GRIN2A: variants seen among roughly 807,000 people sequenced by gnomAD.
GRIN2A encodes glutamate receptor ionotropic, NMDA 2A.
In GRIN2A, 22 loss-of-function variants were observed where a neutral mutation model predicts 113.4. The ratio of observed to expected loss-of-function variants is 0.19; its 90% confidence interval spans 0.14 to 0.28. The LOEUF (loss-of-function observed/expected upper bound fraction) is 0.28. Ranked by LOEUF, GRIN2A falls within the 10% of genes least tolerant of loss-of-function variation. The probability of loss-of-function intolerance (pLI) is 1.00; values close to 1 mark genes in which losing one functional copy is unlikely to be tolerated. For synonymous variants in GRIN2A, 827 were observed against 738.4 expected (o/e 1.12, Z -1.94); for missense variants, 1,502 against 1,887.0 (o/e 0.80, Z 3.78).
At chr16:10,144,784 G>C (rs2049399943) in intron 2 of GRIN2A, among the ~76,000 whole-genome samples, 1 of 151,996 alleles carries the variant, frequency 6.6e-6, no homozygotes, top group Admixed American at 6.6e-5. Flanking sequence ...AGCCAGGTGT[G>C]GTGGCACACC....
intron 2 of GRIN2A, among the ~76,000 whole-genome samples, chr16:10,076,919 T>G (rs1274179857): frequency 2.6e-5 from 4 of 152,204 alleles, no homozygotes; most frequent in Non-Finnish European, 4.4e-5. Context: ...CAAAGGGGAC[T>G]TGGCAAATGT....
chr16:9,982,465 G>C (rs1455636329), intron 2 of GRIN2A, among the ~76,000 whole-genome samples: 1 of 152,200 alleles, frequency 6.6e-6, no homozygotes, highest in African/African-American at 2.4e-5. Context: ...ACGCCAAAAA[G>C]AGAAATCTTC....
chr16:10,000,090 C>T (rs1016063312), intron 2 of GRIN2A, among the ~76,000 whole-genome samples: 2 of 152,132 alleles, frequency 1.3e-5, no homozygotes, highest in Non-Finnish European at 2.9e-5. Context: ...TGACTCTCTC[C>T]CTCCTGCCTC....
chr16:9,965,414 T>C (rs1386641257), intron 2 of GRIN2A, among the ~76,000 whole-genome samples: 4 of 152,182 alleles, frequency 2.6e-5, no homozygotes, highest in Non-Finnish European at 4.4e-5. Flanking sequence ...TCATTAAAAG[T>C]TGGGCAGTGA....
At position 9,763,223 on chromosome 16, in the gene GRIN2A, T is replaced by C. The variant is rs767282709; in HGVS notation, c.4321A>G (p.Thr1441Ala). 6.2e-7 allele frequency: 1 copy of C among 1,613,886 alleles called. No individual in the cohort carries two copies. The highest frequency in any genetic ancestry group is 8.5e-7 in the Non-Finnish European group (1 of 1,179,834). Residue 1441 changes from threonine (T) to alanine (A), a missense_variant, in exon 13 of 13, where the codon ACC becomes GCC. Thr to Ala is a moderately conservative substitution (Grantham distance 58, BLOSUM62 0). Coordinates refer to ENST00000330684, the MANE Select transcript of GRIN2A (RefSeq NM_001134407.3). ...YAANKNNMYS[T>A]PRVLNSCSNR... ...CTGCAGGAATTTAAAACCCTGGGGG[T>C]AGAGTACATATTATTCTTATTTGCA...
At chr16:10,116,356 A>G (rs1166475495) in intron 2 of GRIN2A, among the ~76,000 whole-genome samples, 1 of 152,246 alleles carries the variant, frequency 6.6e-6, no homozygotes, top group Admixed American at 6.5e-5. Flanking sequence ...TAGCTAATGC[A>G]TATGGGGCTT....
chr16:9,771,734 C>G (rs866795092), intron 11 of GRIN2A, among the ~76,000 whole-genome samples: 8 of 152,130 alleles, frequency 5.3e-5, no homozygotes, highest in Non-Finnish European at 8.8e-5. Flanking sequence ...ACAGAAACAT[C>G]CCTATAGAGA....
chr16:10,023,586 A>G (rs1409428971), intron 2 of GRIN2A, among the ~76,000 whole-genome samples: 1 of 152,202 alleles, frequency 6.6e-6, no homozygotes, highest in Non-Finnish European at 1.5e-5. Flanking sequence ...CTGGTGATGA[A>G]AGAAATAGAT....
intron 2 of GRIN2A, among the ~76,000 whole-genome samples, chr16:10,072,865 G>C (rs1196063266): frequency 1.3e-5 from 2 of 151,288 alleles, no homozygotes; most frequent in African/African-American, 4.9e-5. Context: ...CCTATGGCTG[G>C]TTTTCATTAT....
At chr16:9,993,410 G>T (rs1441744057) in intron 2 of GRIN2A, among the ~76,000 whole-genome samples, 1 of 151,820 alleles carries the variant, frequency 6.6e-6, no homozygotes, top group African/African-American at 2.4e-5. Flanking sequence ...AAAAGAAATA[G>T]CAGAGTATGG....
chr16:9,768,241 G>GC (rs1203352109), intron 12 of GRIN2A, among the ~76,000 whole-genome samples: 1 of 151,894 alleles, frequency 6.6e-6, no homozygotes, highest in Non-Finnish European at 1.5e-5. Flanking sequence ...GTAGAGAAGG[G>GC]GGGGGTCTCA....
At chr16:10,048,093 G>T (rs991836922) in intron 2 of GRIN2A, among the ~76,000 whole-genome samples, 1 of 152,160 alleles carries the variant, frequency 6.6e-6, no homozygotes, top group African/African-American at 2.4e-5. Flanking sequence ...AGACTCAATA[G>T]TTATATTTCC....
chr16:10,034,646 G>A (rs149235956), intron 2 of GRIN2A, among the ~76,000 whole-genome samples: 1 of 151,038 alleles, frequency 6.6e-6, no homozygotes, highest in African/African-American at 2.4e-5. Context: ...AGAGGTAAAG[G>A]TGTCACTCAT....
chr16:10,013,425 G>T (rs985507963), intron 2 of GRIN2A, among the ~76,000 whole-genome samples: 1 of 152,194 alleles, frequency 6.6e-6, no homozygotes, highest in African/African-American at 2.4e-5. Flanking sequence ...ATTTCAAAGG[G>T]TCTGCTCTCA....
intron 2 of GRIN2A, among the ~76,000 whole-genome samples, chr16:9,956,240 G>A (rs921414083): frequency 1.4e-4 from 21 of 152,116 alleles, no homozygotes; most frequent in Admixed American, 7.9e-4. Flanking sequence ...TTTTGTTTCT[G>A]TTATTTTCAT....
intron 2 of GRIN2A, chr16:10,111,959 C>T (rs1267916521): frequency 1.4e-6 from 1 of 721,222 alleles, no homozygotes; most frequent in Non-Finnish European, 2.5e-6. Flanking sequence ...GCAGGCATGA[C>T]ATTGAAACAG....
chr16:9,966,102 G>A (rs1596369946), intron 2 of GRIN2A, among the ~76,000 whole-genome samples: 1 of 152,162 alleles, frequency 6.6e-6, no homozygotes, highest in Non-Finnish European at 1.5e-5. Context: ...TGACAAGCAC[G>A]AGGGCAGGGT....
chr16:9,889,768 T>C (rs2043656913), intron 4 of GRIN2A, among the ~76,000 whole-genome samples: 1 of 152,178 alleles, frequency 6.6e-6, no homozygotes, highest in Non-Finnish European at 1.5e-5. Flanking sequence ...TCTAGATATA[T>C]TTTTGTTACT....
intron 2 of GRIN2A, among the ~76,000 whole-genome samples, chr16:10,134,787 T>C (rs908432755): frequency 1.3e-5 from 2 of 152,150 alleles, no homozygotes; most frequent in African/African-American, 4.8e-5. Flanking sequence ...AGACAAAAAA[T>C]GGTTCTTCAC....
Sources: gnomAD v4.1 joint callset for allele counts (sites outside exome capture counted in the v4.1 genomes callset) on GRCh38, gnomAD v4.1.1 for gene constraint, MANE v1.5 for transcripts, NCBI Gene and HGNC (gene_info 2026-07-23, HGNC 2026-07-21) for gene names.